Variants in TNC observed in about 807,000 individuals in gnomAD.
TNC encodes tenascin.
A neutral mutation model predicts 202.4 loss-of-function variants in TNC; 109 were observed. The observed-to-expected ratio is 0.54, with a 90% confidence interval of 0.46 to 0.63. TNC has a LOEUF of 0.63. Ranked by LOEUF, TNC falls within the 30% of genes least tolerant of loss-of-function variation. The probability of loss-of-function intolerance (pLI) is 0.00; values close to 1 mark genes in which losing one functional copy is unlikely to be tolerated. For missense variants in TNC, 2,756 were observed against 2,833.3 expected (o/e 0.97, Z 0.62); for synonymous variants, 1,007 against 1,089.7 (o/e 0.92, Z 1.50).
chr9:115,063,076 C>T lies in TNC; in HGVS notation c.3874G>A (p.Glu1292Lys). Residue 1292 changes from glutamate (E) to lysine (K), a missense_variant, in exon 13 of 28, where the codon GAG (glutamate) becomes AAG (lysine). Glu to Lys is a moderately conservative substitution (Grantham distance 56). Transcript: ENST00000350763. ...TGAGCCTCTTCCACCTGGTCAGCCT[C>T]CTGGACCTGAATAGTAAACTGGTCA... ...TYDQFTIQVQ[E>K]ADQVEEAHNL... 1 of 1,614,168 alleles carries T rather than the reference C, an allele frequency of 6.2e-7. No homozygotes were observed. The highest frequency in any genetic ancestry group is 8.5e-7 in the Non-Finnish European group (1 of 1,180,028).
At chr9:115,053,852 G>C (rs1831893280) in intron 15 of TNC, among the ~76,000 whole-genome samples, 1 of 152,194 alleles carries the variant, frequency 6.6e-6, no homozygotes, top group Non-Finnish European at 1.5e-5. Flanking sequence ...CTTGAAGTTA[G>C]GCATTGAATT....
At chr9:115,088,055 C>T (rs546664586) in intron 2 of TNC, among the ~76,000 whole-genome samples, 2 of 152,262 alleles carry the variant, frequency 1.3e-5, no homozygotes, top group East Asian at 3.9e-4. Context: ...ATAAAAGATG[C>T]CCAAGAAATA....
rs137933052 is a variant in TNC, at chr9:115,041,016, C to T, written c.5317G>A (p.Val1773Met). ...GCGATGATGCTGACAAGGTACTCCA[C>T]GCCAGGTATGAGTTTCACCAGCCTG... The part of the protein sequence containing the change: ...QTRLVKLIPG[V>M]EYLVSIIAMK... The change falls in exon 19 of 28, where the codon GTG becomes ATG. Residue 1773 changes from valine to methionine, a missense_variant. Val to Met is a conservative substitution (Grantham distance 21, BLOSUM62 1). Around this residue, in one of 2 missense-constraint regions of TNC, gnomAD observed 2,559 missense variants for 2,546.0 expected, o/e 1.01. Transcript: ENST00000350763. 121 of 1,614,140 alleles carry T rather than the reference C, an allele frequency of 7.5e-5. No individual in the cohort carries two copies. The Admixed American group carries it at 9.8e-4, about 13-fold the overall frequency.
chr9:115,086,524 A>G lies in TNC; in HGVS notation c.1207T>C (p.Cys403Arg). The change falls in exon 3 of 28, where the codon TGT becomes CGT. Residue 403 changes from cysteine (C) to arginine (R), a missense_variant. Around this residue, in one of 2 missense-constraint regions of TNC, gnomAD observed 2,559 missense variants for 2,546.0 expected, o/e 1.01. Transcript: ENST00000350763. ...CCATTGGGACACTTGAGCTCCCCAC[A>G]GTCAGCTCCAGTGAAACCATCATCA... ...ECDDGFTGAD[C>R]GELKCPNGCS... The G allele has an allele frequency of 6.2e-7, 1 of 1,614,010 alleles. No individual in the cohort carries two copies. The highest frequency in any genetic ancestry group is 8.5e-7 in the Non-Finnish European group (1 of 1,180,046).
chr9:115,069,467 G>A (rs1215909089), intron 10 of TNC, among the ~76,000 whole-genome samples: 1 of 151,760 alleles, frequency 6.6e-6, no homozygotes, highest in Non-Finnish European at 1.5e-5. Context: ...AGAATAGAGT[G>A]GAGGAGAGGG....
Position 115,084,228 on chromosome 9 carries a change from G to C in TNC, c.2112C>G (p.Val704=). The C allele has an allele frequency of 6.2e-7, 1 of 1,614,122 alleles. No homozygotes were observed. Among genetic ancestry groups the C allele is most frequent in the East Asian group, 2.2e-5 (1 of 44,858 alleles). ...ACTCACACGTGGCCACCCTGGCGCT[G>C]ACAGGAATGCTCTTCTTGTTCTCCA... ...AILENKKSIP[V]SARVATYLPA... The change falls in exon 4 of 28, where the codon GTC becomes GTG. Residue 704 remains valine, a synonymous_variant. Coordinates refer to ENST00000350763, the MANE Select transcript of TNC (RefSeq NM_002160.4).
Position 115,042,218 on chromosome 9 carries a change from C to T in TNC, c.5248+1G>A. On this transcript the variant is annotated splice_donor_variant, in intron 18 of 27. Transcript: ENST00000350763. LOFTEE classifies it high-confidence loss of function. ...CTCTCTCCCCTTTCCGAGTCTCCTA[C>T]CTCCTGTAATGGGCACATAGGTAAT... is the stretch of plus-strand genomic sequence containing the variant. The T allele has an allele frequency of 2.5e-6, 4 of 1,613,754 alleles. No homozygotes were observed. Among genetic ancestry groups the T allele is most frequent in the Non-Finnish European group, 3.4e-6 (4 of 1,179,780 alleles).
rs376939953 is a variant in TNC at position 115,062,982 on chromosome 9, G to A, written c.3968C>T (p.Thr1323Ile). Reference protein sequence around the residue: ...IPGLRAGTPYTVTLHGEVRGH... With the variant: ...IPGLRAGTPYIVTLHGEVRGH... ...CCTGACCTCGCCGTGCAGGGTGACT[G>A]TGTAAGGAGTGCCAGCCCTGAGGCC... The change falls in exon 13 of 28, where the codon ACA becomes ATA. Residue 1323 changes from threonine (T) to isoleucine (I), a missense_variant. Physicochemically the swap from Thr to Ile is moderately conservative, Grantham distance 89 (BLOSUM62 -1). Around this residue, in one of 2 missense-constraint regions of TNC, gnomAD observed 2,559 missense variants for 2,546.0 expected, o/e 1.01. Transcript: ENST00000350763. 2 of 1,614,118 alleles carry A rather than the reference G, an allele frequency of 1.2e-6. No homozygotes were observed. Among genetic ancestry groups the A allele is most frequent in the Non-Finnish European group, 8.5e-7 (1 of 1,180,008 alleles).
intron 1 of TNC, 59 bp from the exon 2 acceptor site, chr9:115,091,213 C>T (rs1038502921): frequency 5.2e-6 from 3 of 575,516 alleles, no homozygotes; most frequent in African/African-American, 3.7e-5. Flanking sequence ...TATTGAATAT[C>T]TACAATTCCA....
intron 20 of TNC, among the ~76,000 whole-genome samples, chr9:115,036,578 A>C (rs935318436): frequency 6.6e-6 from 1 of 152,052 alleles, no homozygotes. Flanking sequence ...GGACATCCCC[A>C]AGCCTGCTGC....
intron 1 of TNC, among the ~76,000 whole-genome samples, chr9:115,106,899 C>T (rs760673837): frequency 3.3e-5 from 5 of 152,082 alleles, no homozygotes; most frequent in Non-Finnish European, 7.4e-5. Flanking sequence ...TAAATAGGAT[C>T]ATTTAATTCA....
chr9:115,046,785 G>C, intron 16 of TNC, 103 bp from the exon 17 acceptor site: 1 of 1,331,176 alleles, frequency 7.5e-7, no homozygotes, highest in Admixed American at 2.2e-5. Flanking sequence ...GTGATGCCCC[G>C]GCTTTCAGAG....
At chr9:115,098,379 A>C (rs1308361454) in intron 1 of TNC, among the ~76,000 whole-genome samples, 1 of 152,116 alleles carries the variant, frequency 6.6e-6, no homozygotes, top group African/African-American at 2.4e-5. Context: ...TTACTAGTAG[A>C]GCTGTTTGGT....
intron 3 of TNC, among the ~76,000 whole-genome samples, chr9:115,084,824 T>A (rs1179578393): frequency 6.6e-6 from 1 of 152,154 alleles, no homozygotes; most frequent in Non-Finnish European, 1.5e-5. Context: ...GAGTTACGTG[T>A]CCCTAGCACT....
intron 22 of TNC, among the ~76,000 whole-genome samples, chr9:115,032,330 G>A (rs1223643637): frequency 6.6e-6 from 1 of 152,158 alleles, no homozygotes; most frequent in African/African-American, 2.4e-5. Flanking sequence ...ACGGAGTGAG[G>A]AGCCCTGTAA....
chr9:115,082,810 G>GT lies in TNC; in HGVS notation c.2132-4dup. ...CAGGCCTTCAGGTGCAGGTAAGTCT[G>GT]TAAGTAACAACATAAATAGAACGTA... On this transcript the variant is annotated splice_region_variant and splice_polypyrimidine_tract_variant and intron_variant, in intron 4 of 27. Transcript: ENST00000350763. 6.2e-6 allele frequency: 10 copies of GT among 1,603,416 alleles called. No homozygotes were observed. Among genetic ancestry groups the GT allele is most frequent in the Non-Finnish European group, 8.5e-6 (10 of 1,170,288 alleles).
intron 1 of TNC, among the ~76,000 whole-genome samples, chr9:115,117,248 C>T (rs1410727327): frequency 6.6e-6 from 1 of 152,168 alleles, no homozygotes; most frequent in Non-Finnish European, 1.5e-5. Flanking sequence ...ACACCAGGGG[C>T]AGCAGGGTTC....
intron 19 of TNC, among the ~76,000 whole-genome samples, chr9:115,040,028 C>T (rs1223373406): frequency 3.9e-5 from 6 of 152,196 alleles, no homozygotes; most frequent in Non-Finnish European, 8.8e-5. Flanking sequence ...GATAATTGCT[C>T]ACATATCAAA....
At chr9:115,050,826 A>T (rs779907600) in intron 15 of TNC, among the ~76,000 whole-genome samples, 1 of 152,204 alleles carries the variant, frequency 6.6e-6, no homozygotes, top group Non-Finnish European at 1.5e-5. Context: ...CTCTCCATGC[A>T]TAAGGAAATT....
Sources: allele counts gnomAD v4.1 joint callset (sites outside exome capture counted in the v4.1 genomes callset), GRCh38; gene constraint gnomAD v4.1.1; regional missense constraint gnomAD v4.1.1; transcripts MANE v1.5; gene names NCBI Gene and HGNC (gene_info 2026-07-23, HGNC 2026-07-21).